The following NEO1 variants were observed in gnomAD, a reference collection of about 807,000 sequenced individuals.
NEO1 encodes the protein neogenin.
A neutral mutation model predicts 159.7 loss-of-function variants in NEO1; 63 were observed. The ratio of observed to expected loss-of-function variants is 0.39; its 90% CI spans 0.32 to 0.49. The LOEUF (loss-of-function observed/expected upper bound fraction) is 0.49, where lower values mean the gene tolerates loss of function less well. Among genes scored for constraint, NEO1 ranks in the 20% least tolerant of loss-of-function variants. The probability of loss-of-function intolerance (pLI) is 0.85; values close to 1 mark genes in which losing one functional copy is unlikely to be tolerated. For missense variants in NEO1, 1,615 were observed against 1,831.0 expected (o/e 0.88, Z 2.15); for synonymous variants, 633 against 662.0 (o/e 0.96, Z 0.67).
intron 7 of NEO1, among the ~76,000 whole-genome samples, chr15:73,204,520 T>G (rs1396402183): frequency 6.6e-6 from 1 of 152,196 alleles, no homozygotes; most frequent in Non-Finnish European, 1.5e-5. Flanking sequence ...TTCTACTGGC[T>G]GTCCTCAATT....
At position 73,212,065 on chromosome 15, in the gene NEO1, C is replaced by T. The variant is rs560323370; in HGVS notation, c.1292-24282C>T. Among the ~76,000 whole-genome samples, 12 of 152,290 alleles carry T rather than the reference C, an allele frequency of 7.9e-5. No homozygotes were observed. The South Asian group carries it at 2.5e-3, about 32-fold the overall frequency. On this transcript the variant is annotated intron_variant, in intron 7 of 28. Transcript: ENST00000261908. ...TTCGTATCGGGGTACATGATATCAG[C>T]ATGTCCTGTTATTTGGTAACGTTAA... is the stretch of plus-strand genomic sequence containing the variant.
At chr15:73,214,547 G>A (rs764673664) in intron 7 of NEO1, among the ~76,000 whole-genome samples, 95 of 152,178 alleles carry the variant, frequency 6.2e-4, no homozygotes, top group Non-Finnish European at 1.2e-3. Flanking sequence ...CCCACTTCAC[G>A]TTTTTGTTTG....
At chr15:73,060,982 A>G (rs1380299782) in intron 1 of NEO1, among the ~76,000 whole-genome samples, 1 of 152,186 alleles carries the variant, frequency 6.6e-6, no homozygotes, top group African/African-American at 2.4e-5. Flanking sequence ...CCTACATAGG[A>G]CTCAACCATT....
At chr15:73,199,524 T>A (rs2152047380) in intron 7 of NEO1, among the ~76,000 whole-genome samples, 1 of 152,316 alleles carries the variant, frequency 6.6e-6, no homozygotes, top group East Asian at 1.9e-4. Context: ...CCTTCCCCAT[T>A]TACTCATTTA....
chr15:73,193,434 CTG>C (rs1004791563), intron 7 of NEO1, among the ~76,000 whole-genome samples: 5 of 151,878 alleles, frequency 3.3e-5, no homozygotes, highest in Admixed American at 6.6e-5. Context: ...TCAAAATTCA[CTG>C]TATCACTTTA....
chr15:73,259,419 G>A (rs1423058921), intron 14 of NEO1, among the ~76,000 whole-genome samples: 1 of 145,924 alleles, frequency 6.9e-6, no homozygotes, highest in East Asian at 2.0e-4. Context: ...CCAGTCTGGA[G>A]TGCAGTCATG....
intron 1 of NEO1, among the ~76,000 whole-genome samples, chr15:73,102,200 T>A (rs183665706): frequency 1.6e-3 from 251 of 152,142 alleles, no homozygotes; most frequent in African/African-American, 5.7e-3. Flanking sequence ...ACCCCATCTC[T>A]ACTAAAAATA....
intron 7 of NEO1, among the ~76,000 whole-genome samples, chr15:73,232,780 C>T (rs2038977639): frequency 6.6e-6 from 1 of 152,128 alleles, no homozygotes; most frequent in Non-Finnish European, 1.5e-5. Flanking sequence ...ATTCACTTGC[C>T]ACCAGGATTG....
intron 4 of NEO1, 165 bp downstream of exon 4, chr15:73,126,735 G>C (rs1325032618): frequency 1.9e-5 from 10 of 530,602 alleles, no homozygotes; most frequent in Non-Finnish European, 3.1e-5. Context: ...ATATGATGAG[G>C]ATATTTAAAG....
At chr15:73,301,877 C>G (rs1332199999) in intron 28 of NEO1, among the ~76,000 whole-genome samples, 13 of 152,174 alleles carry the variant, frequency 8.5e-5, no homozygotes, top group Non-Finnish European at 1.6e-4. Context: ...CTATGTTGGC[C>G]AGGCTGGTCT....
intron 1 of NEO1, among the ~76,000 whole-genome samples, chr15:73,088,254 T>C (rs1430641032): frequency 6.6e-6 from 1 of 152,006 alleles, no homozygotes; most frequent in African/African-American, 2.4e-5. Flanking sequence ...AAGAAATTTT[T>C]CTATGAGACA....
At chr15:73,201,077 G>T (rs2036854751) in intron 7 of NEO1, among the ~76,000 whole-genome samples, 1 of 151,286 alleles carries the variant, frequency 6.6e-6, no homozygotes, top group African/African-American at 2.4e-5. Context: ...TTTTTCCCTT[G>T]GTGCCTGGCT....
chr15:73,113,771 C>G (rs1400422863), intron 1 of NEO1, among the ~76,000 whole-genome samples: 1 of 151,994 alleles, frequency 6.6e-6, no homozygotes, highest in Non-Finnish European at 1.5e-5. Context: ...GAAAACATCC[C>G]ATAGTAACTA....
intron 22 of NEO1, among the ~76,000 whole-genome samples, chr15:73,281,198 A>T (rs2041683895): frequency 9.3e-6 from 1 of 107,086 alleles, no homozygotes; most frequent in Non-Finnish European, 2.2e-5. Context: ...ACAGAGCGAG[A>T]CTCAAAAAAA....
At chr15:73,253,342 GATGGGTGATGT>G (rs756724632) in intron 11 of NEO1, 47 bp from the exon 12 acceptor site, 30 of 996,468 alleles carry the variant, frequency 3.0e-5, no homozygotes, top group Non-Finnish European at 3.8e-5. Context: ...ATGATCACAT[GATGGGTGATGT>G]ATGGGTGATT....
chr15:73,138,051 G>A (rs930189089), intron 5 of NEO1, among the ~76,000 whole-genome samples: 1 of 152,040 alleles, frequency 6.6e-6, no homozygotes, highest in Non-Finnish European at 1.5e-5. Flanking sequence ...AGACTAAAAG[G>A]ACTAGTAGAC....
intron 12 of NEO1, among the ~76,000 whole-genome samples, chr15:73,254,254 G>A (rs3784793): frequency 0.44 from 66,493 of 151,582 alleles, 15,602 homozygotes; most frequent in Admixed American, 0.52. Flanking sequence ...CTGTTAATTA[G>A]TTGTCCCCTT....
intron 7 of NEO1, among the ~76,000 whole-genome samples, chr15:73,230,523 A>G (rs979481080): frequency 9.2e-5 from 14 of 152,150 alleles, no homozygotes; most frequent in African/African-American, 3.1e-4. Context: ...AAAGCACTAC[A>G]TTTCCCTTAA....
intron 4 of NEO1, among the ~76,000 whole-genome samples, chr15:73,135,313 A>G (rs1168784961): frequency 6.6e-6 from 1 of 152,154 alleles, no homozygotes; most frequent in Non-Finnish European, 1.5e-5. Flanking sequence ...GTGCCCAGCT[A>G]CCACACCCAG....
Sources: allele counts gnomAD v4.1 joint callset (sites outside exome capture counted in the v4.1 genomes callset), GRCh38; gene constraint gnomAD v4.1.1; transcripts MANE v1.5; gene names NCBI Gene and HGNC (gene_info 2026-07-23, HGNC 2026-07-21).